Variants in CFAP69 observed in about 807,000 individuals in gnomAD.
The protein encoded by CFAP69 is cilia- and flagella-associated protein 69.
CFAP69 carries 92 observed loss-of-function variants against 123.0 expected under a neutral mutation model. That is an observed-to-expected ratio of 0.75 (90% CI 0.63 to 0.89). The LOEUF is 0.89. Ranked by LOEUF, CFAP69 falls within the 40% of genes least tolerant of loss-of-function variation. CFAP69 has a pLI of 0.00. For synonymous variants in CFAP69, 380 were observed against 364.3 expected (o/e 1.04, Z -0.49); for missense variants, 1,067 against 1,096.9 (o/e 0.97, Z 0.39).
At chr7:90,318,307 A>C in the CFAP69 span, 1 of 151,024 alleles carries the variant, frequency 6.6e-6, no homozygotes, top group African/African-American at 2.4e-5. Context: ...AGCTAACACA[A>C]AAATTCTATC....
the CFAP69 span, chr7:90,318,621 A>T: frequency 6.6e-6 from 1 of 152,124 alleles, no homozygotes; most frequent in African/African-American, 2.4e-5. Flanking sequence ...TATCTAAAAA[A>T]TATATCACAT....
At position 90,255,474 on chromosome 7, in the gene CFAP69, A is replaced by G; in HGVS notation, c.172A>G (p.Thr58Ala). The G allele has an allele frequency of 1.2e-6, 2 of 1,612,190 alleles. No individual in the cohort carries two copies. Among genetic ancestry groups the G allele is most frequent in the South Asian group, 2.2e-5 (2 of 90,938 alleles). Residue 58 changes from threonine (T) to alanine (A), a missense_variant, in exon 2 of 23, where the codon ACT becomes GCT. Transcript: ENST00000389297. ...LNRVIKLLEE[T>A]DKDGLEEKQL... ...TCGTGTCATCAAACTCCTCGAAGAGACTGATAAAGTGAGTAAGCTTTGAGA... is the reference window on the plus strand; with the variant it reads ...TCGTGTCATCAAACTCCTCGAAGAGGCTGATAAAGTGAGTAAGCTTTGAGA...
intron 16 of CFAP69, 142 bp from the exon 17 acceptor site, chr7:90,299,725 G>A: frequency 4.9e-6 from 3 of 614,258 alleles, no homozygotes; most frequent in Non-Finnish European, 8.2e-6. Context: ...TACAATGGGT[G>A]TCCATTTTAA....
the CFAP69 span, among the ~76,000 whole-genome samples, chr7:90,323,539 C>T: frequency 1.6e-4 from 24 of 151,742 alleles, no homozygotes; most frequent in African/African-American, 4.6e-4. Flanking sequence ...TCCTAAATGA[C>T]GGAAATAGAG....
intron 5 of CFAP69, among the ~76,000 whole-genome samples, chr7:90,266,945 G>C (rs1046103209): frequency 6.6e-6 from 1 of 152,098 alleles, no homozygotes; most frequent in African/African-American, 2.4e-5. Context: ...GAAGAAGTTG[G>C]TACTCTGCCC....
At chr7:90,286,857 G>A (rs1256562005) in intron 14 of CFAP69, among the ~76,000 whole-genome samples, 3 of 152,042 alleles carry the variant, frequency 2.0e-5, no homozygotes, top group Non-Finnish European at 1.5e-5. Flanking sequence ...GGAGGCTGAG[G>A]CAGGTGGATT....
At chr7:90,270,434 T>C (rs576082947) in intron 6 of CFAP69, among the ~76,000 whole-genome samples, 20 of 152,298 alleles carry the variant, frequency 1.3e-4, no homozygotes, top group African/African-American at 4.8e-4. Flanking sequence ...ATTGTATGCA[T>C]ACATTAAAAA....
chr7:90,253,761 A>C lies in CFAP69; in HGVS notation c.121-1662A>C, dbSNP rs141005199. 7.6e-3 allele frequency among the ~76,000 whole-genome samples: 1,155 copies of C among 152,182 alleles called. 12 individuals carry two copies. The highest frequency in any genetic ancestry group is 0.026 in the African/African-American group (1,060 of 41,510). On this transcript the variant is annotated intron_variant, in intron 1 of 22. Coordinates refer to ENST00000389297, the MANE Select transcript of CFAP69 (RefSeq NM_001039706.3). ...TCCCTTGTCAGATGGATAGGTTGCAAATATTTTCTCCCATTTTTTGGGTTG... is the reference window on the plus strand; with the variant it reads ...TCCCTTGTCAGATGGATAGGTTGCACATATTTTCTCCCATTTTTTGGGTTG...
intron 2 of CFAP69, among the ~76,000 whole-genome samples, chr7:90,256,095 A>G (rs1200134366): frequency 6.6e-6 from 1 of 152,194 alleles, no homozygotes; most frequent in Non-Finnish European, 1.5e-5. Flanking sequence ...AAAAAGGAAT[A>G]CGTATTGTTA....
downstream of CFAP69, among the ~76,000 whole-genome samples, chr7:90,314,694 CTT>C (rs71104455): frequency 4.4e-3 from 642 of 144,338 alleles, 2 homozygotes; most frequent in African/African-American, 0.011. Flanking sequence ...AAATTTAAAA[CTT>C]TTTTTTTTTT....
chr7:90,282,127 A>G (rs755859231), intron 12 of CFAP69, among the ~76,000 whole-genome samples: 1 of 151,866 alleles, frequency 6.6e-6, no homozygotes, highest in Non-Finnish European at 1.5e-5. Context: ...TCAAGGCAGG[A>G]GGATCACTTG....
chr7:90,315,096 A>C (rs1487928134), downstream of CFAP69, among the ~76,000 whole-genome samples: 1 of 152,018 alleles, frequency 6.6e-6, no homozygotes, highest in African/African-American at 2.4e-5. Flanking sequence ...TTAAAAAGTC[A>C]AAAAACAACA....
intron 15 of CFAP69, among the ~76,000 whole-genome samples, chr7:90,296,960 G>T (rs1356265146): frequency 1.3e-5 from 2 of 151,386 alleles, no homozygotes; most frequent in African/African-American, 4.8e-5. Context: ...GACCTTAAAA[G>T]GTGCCGGACT....
chr7:90,285,024 AG>A (rs968916093), intron 13 of CFAP69, among the ~76,000 whole-genome samples: 4 of 152,322 alleles, frequency 2.6e-5, no homozygotes, highest in African/African-American at 9.6e-5. Context: ...AAGGAGTTGA[AG>A]GGTACATAAA....
At chr7:90,316,111 A>C in the CFAP69 span, among the ~76,000 whole-genome samples, 1 of 152,228 alleles carries the variant, frequency 6.6e-6, no homozygotes, top group Non-Finnish European at 1.5e-5. Context: ...AGAAAAAATA[A>C]AGATTCGATA....
chr7:90,317,494 A>G, the CFAP69 span: 1 of 138,916 alleles, frequency 7.2e-6, no homozygotes, highest in Admixed American at 7.1e-5. Context: ...TCAATCTAGG[A>G]AATTATTAGC....
intron 4 of CFAP69, among the ~76,000 whole-genome samples, chr7:90,262,842 C>T (rs1798513567): frequency 6.6e-6 from 1 of 151,770 alleles, no homozygotes; most frequent in South Asian, 2.1e-4. Flanking sequence ...TAGGTTCTAA[C>T]TCTCACTTTT....
chr7:90,267,258 T>C (rs1249896525), intron 5 of CFAP69, among the ~76,000 whole-genome samples: 2 of 152,198 alleles, frequency 1.3e-5, no homozygotes, highest in African/African-American at 4.8e-5. Context: ...TCCTTTGTGC[T>C]TCCTCCTTCT....
At chr7:90,285,051 A>G (rs1790065505) in intron 13 of CFAP69, among the ~76,000 whole-genome samples, 1 of 152,222 alleles carries the variant, frequency 6.6e-6, no homozygotes, top group Admixed American at 6.5e-5. Context: ...GCATTATACT[A>G]TGTGTTACAG....
Sources: allele counts gnomAD v4.1 joint callset (sites outside exome capture counted in the v4.1 genomes callset), GRCh38; gene constraint gnomAD v4.1.1; transcripts MANE v1.5; gene names NCBI Gene and HGNC (gene_info 2026-07-23, HGNC 2026-07-21).